RHOU: variants seen among roughly 807,000 people sequenced by gnomAD.
RHOU encodes the protein ras homolog family member U, also known as rho-related GTP-binding protein RhoU.
Under a neutral mutation model 12.6 loss-of-function variants are expected in RHOU, and 8 were observed. That is an observed-to-expected ratio of 0.64 (90% CI 0.37 to 1.15). RHOU has a LOEUF of 1.15. Among genes scored for constraint, RHOU ranks in the 50% most tolerant of loss-of-function variants. The pLI is 0.01. For synonymous variants in RHOU, 161 were observed against 147.4 expected (o/e 1.09, Z -0.67); for missense variants, 258 against 347.0 (o/e 0.74, Z 2.04).
the RHOU span, among the ~76,000 whole-genome samples, chr1:228,660,991 G>C: frequency 2.8e-4 from 42 of 150,376 alleles, 1 homozygote; most frequent in African/African-American, 7.3e-4. Context: ...CAAAGTTTCA[G>C]GATACAAAAT....
chr1:228,668,793 C>A, the RHOU span, among the ~76,000 whole-genome samples: 7 of 152,216 alleles, frequency 4.6e-5, no homozygotes, highest in Non-Finnish European at 1.0e-4. Flanking sequence ...CTTTGACCTC[C>A]CTGCTGTCCT....
the RHOU span, among the ~76,000 whole-genome samples, chr1:228,704,032 A>G: frequency 6.6e-6 from 1 of 152,182 alleles, no homozygotes; most frequent in Non-Finnish European, 1.5e-5. Context: ...CCTTAGACAA[A>G]TGCATATCTG....
the RHOU span, among the ~76,000 whole-genome samples, chr1:228,710,817 G>C: frequency 4.6e-5 from 7 of 151,666 alleles, no homozygotes; most frequent in South Asian, 6.3e-4. Flanking sequence ...CCAGGGCAAT[G>C]AGGCAGGAGA....
chr1:228,728,366 T>C, the RHOU span, among the ~76,000 whole-genome samples: 3 of 152,230 alleles, frequency 2.0e-5, no homozygotes, highest in Non-Finnish European at 4.4e-5. Context: ...TCTCTTGTGA[T>C]AATTCTGCAG....
upstream of RHOU, among the ~76,000 whole-genome samples, chr1:228,734,598 A>G (rs758172867): frequency 8.1e-5 from 11 of 135,230 alleles, no homozygotes; most frequent in Non-Finnish European, 1.4e-4. Context: ...AGTATTTGTT[A>G]TTGTTATTTT....
chr1:228,652,500 A>G, the RHOU span: 1 of 152,530 alleles, frequency 6.6e-6, no homozygotes, highest in African/African-American at 2.4e-5. Flanking sequence ...GAGGCAGAGT[A>G]AACCTATCCT....
At chr1:228,720,516 T>C in the RHOU span, among the ~76,000 whole-genome samples, 1 of 152,122 alleles carries the variant, frequency 6.6e-6, no homozygotes. Context: ...CCTGATCCAA[T>C]ATGACTGGTG....
chr1:228,712,058 A>G, the RHOU span, among the ~76,000 whole-genome samples: 1 of 148,818 alleles, frequency 6.7e-6, no homozygotes, highest in East Asian at 2.0e-4. Context: ...CACATGAAAA[A>G]ATGCTCACCA....
At chr1:228,695,333 T>A in the RHOU span, among the ~76,000 whole-genome samples, 3 of 152,106 alleles carry the variant, frequency 2.0e-5, no homozygotes, top group Non-Finnish European at 4.4e-5. Flanking sequence ...CATCCCACAA[T>A]AATCAACACA....
At chr1:228,655,908 ACT>A in the RHOU span, among the ~76,000 whole-genome samples, 21 of 152,184 alleles carry the variant, frequency 1.4e-4, no homozygotes, top group African/African-American at 5.1e-4. Context: ...CACACGAAAG[ACT>A]CTGCAAAAAC....
At chr1:228,716,705 T>G in the RHOU span, among the ~76,000 whole-genome samples, 1 of 151,848 alleles carries the variant, frequency 6.6e-6, no homozygotes, top group African/African-American at 2.4e-5. Flanking sequence ...TTATTTTATT[T>G]TATGTATGTT....
At chr1:228,674,323 A>G in the RHOU span, among the ~76,000 whole-genome samples, 1 of 146,914 alleles carries the variant, frequency 6.8e-6, no homozygotes, top group East Asian at 2.0e-4. Flanking sequence ...TAATATACAC[A>G]TCTTTTCCTT....
chr1:228,671,376 AG>A, the RHOU span, among the ~76,000 whole-genome samples: 2 of 151,930 alleles, frequency 1.3e-5, no homozygotes, highest in Non-Finnish European at 2.9e-5. Context: ...TTAAGAAATA[AG>A]GTGGTAATTT....
chr1:228,685,218 G>A, the RHOU span, among the ~76,000 whole-genome samples: 1 of 152,256 alleles, frequency 6.6e-6, no homozygotes, highest in Middle Eastern at 3.4e-3. Flanking sequence ...AGTCTGTTCT[G>A]TCAGCAAGGT....
the RHOU span, among the ~76,000 whole-genome samples, chr1:228,663,743 C>T: frequency 6.7e-6 from 1 of 148,598 alleles, no homozygotes; most frequent in Admixed American, 6.8e-5. Flanking sequence ...AGCGATTCTC[C>T]TGCCTCAGCC....
At chr1:228,680,532 T>C in the RHOU span, among the ~76,000 whole-genome samples, 1 of 152,194 alleles carries the variant, frequency 6.6e-6, no homozygotes, top group Non-Finnish European at 1.5e-5. Context: ...AACTCAGAAA[T>C]GCGTTGCTGT....
At chr1:228,722,848 C>A in the RHOU span, among the ~76,000 whole-genome samples, 2 of 152,146 alleles carry the variant, frequency 1.3e-5, no homozygotes, top group African/African-American at 4.8e-5. Context: ...GTCTCGATCT[C>A]CTGACTTCGT....
chr1:228,712,843 AAAATAAAATAAAATAAAAT>A, the RHOU span, among the ~76,000 whole-genome samples: 24,935 of 130,422 alleles, frequency 0.19, 2,824 homozygotes, highest in African/African-American at 0.37. Flanking sequence ...AAAATAAAAT[AAAATAAAATAAAATAAAAT>A]AAAATAAAAT....
the RHOU span, among the ~76,000 whole-genome samples, chr1:228,655,694 A>G: frequency 6.6e-6 from 1 of 152,254 alleles, no homozygotes; most frequent in African/African-American, 2.4e-5. Flanking sequence ...GGACAGGTAC[A>G]TCTCAGCACT....
Sources: gnomAD v4.1 joint callset for allele counts (sites outside exome capture counted in the v4.1 genomes callset) on GRCh38, gnomAD v4.1.1 for gene constraint, MANE v1.5 for transcripts, NCBI Gene and HGNC (gene_info 2026-07-23, HGNC 2026-07-21) for gene names.